The following CNTNAP2 variants were observed in gnomAD, a reference collection of about 807,000 sequenced individuals.
The protein encoded by CNTNAP2 is contactin-associated protein-like 2.
In CNTNAP2, 98 loss-of-function variants were observed where a neutral mutation model predicts 155.2. That is an observed-to-expected ratio of 0.63 (90% CI 0.54 to 0.75). The LOEUF is 0.75. Among genes scored for constraint, CNTNAP2 ranks in the 30% least tolerant of loss-of-function variants. The probability of loss-of-function intolerance (pLI) is 0.00; values close to 1 mark genes in which losing one functional copy is unlikely to be tolerated. For missense variants in CNTNAP2, 1,727 were observed against 1,688.1 expected (o/e 1.02, Z -0.40); for synonymous variants, 651 against 631.2 (o/e 1.03, Z -0.47).
intron 1 of CNTNAP2, among the ~76,000 whole-genome samples, chr7:146,475,730 T>A (rs1796867791): frequency 6.6e-6 from 1 of 152,064 alleles, no homozygotes; most frequent in African/African-American, 2.4e-5. Flanking sequence ...TGAAAAAGAA[T>A]GAGTATATCT....
intron 1 of CNTNAP2, among the ~76,000 whole-genome samples, chr7:146,386,837 C>T (rs942595625): frequency 3.9e-5 from 6 of 152,130 alleles, no homozygotes; most frequent in Non-Finnish European, 8.8e-5. Context: ...TTCATGAAAT[C>T]TGTAATCTAG....
rs189616786 is a variant in CNTNAP2, at chr7:146,650,795, T to C, written c.98-123476T>C. ...ATGGAAAAATAAAATGATATAGTGC[T>C]AATAATCAGATATACAGAATTGTAG... On this transcript the variant is annotated intron_variant, in intron 1 of 23. Coordinates refer to ENST00000361727, the MANE Select transcript of CNTNAP2 (RefSeq NM_014141.6). Among the ~76,000 whole-genome samples the C allele has an allele frequency of 1.5e-4, 23 of 152,274 alleles. No individual in the cohort carries two copies. In the East Asian group the frequency reaches 3.7e-3, roughly 24 times the overall value.
At chr7:147,649,707 T>C (rs1277204591) in intron 13 of CNTNAP2, among the ~76,000 whole-genome samples, 1 of 152,038 alleles carries the variant, frequency 6.6e-6, no homozygotes, top group Non-Finnish European at 1.5e-5. Context: ...TTTTAGTTTA[T>C]TATATTATAA....
intron 5 of CNTNAP2, among the ~76,000 whole-genome samples, chr7:147,116,815 G>T (rs1365231141): frequency 6.6e-6 from 1 of 152,264 alleles, no homozygotes; most frequent in East Asian, 1.9e-4. Context: ...GAATGGATCA[G>T]GGCTCTGCTT....
At chr7:148,246,903 C>A (rs183901770) in intron 20 of CNTNAP2, among the ~76,000 whole-genome samples, 7 of 152,266 alleles carry the variant, frequency 4.6e-5, no homozygotes, top group Non-Finnish European at 7.4e-5. Context: ...CCTTGCTGAG[C>A]GTGGTATCTT....
intron 12 of CNTNAP2, among the ~76,000 whole-genome samples, chr7:147,597,615 T>C (rs1022457041): frequency 2.0e-4 from 30 of 152,282 alleles, no homozygotes; most frequent in African/African-American, 7.0e-4. Context: ...AATGAATGAA[T>C]GAATGAATTT....
chr7:148,086,926 T>G (rs1803743628), intron 15 of CNTNAP2, among the ~76,000 whole-genome samples: 1 of 152,218 alleles, frequency 6.6e-6, no homozygotes, highest in African/African-American at 2.4e-5. Flanking sequence ...CACAACTGAT[T>G]TGAGCAGTGT....
chr7:147,956,871 G>C (rs1039784204), intron 14 of CNTNAP2, among the ~76,000 whole-genome samples: 17 of 152,176 alleles, frequency 1.1e-4, no homozygotes, highest in Admixed American at 1.1e-3. Context: ...GTAAGAGAAT[G>C]TGTGGAAGAT....
chr7:147,964,993 T>A (rs995580352), intron 14 of CNTNAP2, among the ~76,000 whole-genome samples: 2 of 152,142 alleles, frequency 1.3e-5, no homozygotes, highest in Non-Finnish European at 2.9e-5. Flanking sequence ...CTTTCAGACA[T>A]TTTTTCCAAA....
chr7:147,661,809 C>T (rs1484936542), intron 13 of CNTNAP2, among the ~76,000 whole-genome samples: 1 of 152,144 alleles, frequency 6.6e-6, no homozygotes, highest in Non-Finnish European at 1.5e-5. Flanking sequence ...CCTCGGCCTC[C>T]CAAAGTGCTG....
At chr7:147,237,893 C>T (rs1803847004) in intron 8 of CNTNAP2, among the ~76,000 whole-genome samples, 1 of 152,206 alleles carries the variant, frequency 6.6e-6, no homozygotes, top group Admixed American at 6.5e-5. Flanking sequence ...TAAACACTCA[C>T]TTTAAAAATT....
At chr7:146,963,474 G>C (rs1326172569) in intron 3 of CNTNAP2, among the ~76,000 whole-genome samples, 1 of 152,074 alleles carries the variant, frequency 6.6e-6, no homozygotes, top group East Asian at 1.9e-4. Flanking sequence ...TGTGCTTCAA[G>C]TGTCATGGTT....
intron 15 of CNTNAP2, among the ~76,000 whole-genome samples, 187 bp from the exon 16 acceptor site, chr7:148,117,931 C>T (rs1804511334): frequency 6.6e-6 from 1 of 151,356 alleles, no homozygotes; most frequent in Non-Finnish European, 1.5e-5. Context: ...ATTATATAGA[C>T]ACACATATAA....
chr7:146,221,270 T>C (rs1054561118), intron 1 of CNTNAP2, among the ~76,000 whole-genome samples: 3 of 152,192 alleles, frequency 2.0e-5, no homozygotes, highest in South Asian at 4.1e-4. Context: ...CAATTTATAC[T>C]GAAGGCTATA....
chr7:147,492,244 A>G (rs951767724), intron 11 of CNTNAP2, among the ~76,000 whole-genome samples: 2 of 152,164 alleles, frequency 1.3e-5, no homozygotes, highest in African/African-American at 4.8e-5. Flanking sequence ...ACAGTTCACA[A>G]TAGGTTTCAG....
intron 1 of CNTNAP2, among the ~76,000 whole-genome samples, chr7:146,543,103 A>G (rs1797975311): frequency 6.6e-6 from 1 of 151,972 alleles, no homozygotes; most frequent in South Asian, 2.1e-4. Flanking sequence ...AGATAATGCA[A>G]TGTTAATTAC....
chr7:146,382,871 AT>A (rs1337329249), intron 1 of CNTNAP2, among the ~76,000 whole-genome samples: 3 of 152,200 alleles, frequency 2.0e-5, no homozygotes, highest in East Asian at 3.9e-4. Context: ...TTTTTAAAAA[AT>A]ATCAAACCAT....
At chr7:147,558,807 A>G (rs949008565) in intron 11 of CNTNAP2, among the ~76,000 whole-genome samples, 2 of 150,266 alleles carry the variant, frequency 1.3e-5, no homozygotes, top group Non-Finnish European at 3.0e-5. Flanking sequence ...CGGTGGCACA[A>G]TCTTATCTCA....
intron 1 of CNTNAP2, among the ~76,000 whole-genome samples, chr7:146,415,151 A>G (rs1352488467): frequency 6.6e-6 from 1 of 152,124 alleles, no homozygotes; most frequent in East Asian, 1.9e-4. Flanking sequence ...GGAGCAAAGC[A>G]CCACAGTCCA....
Sources: gnomAD v4.1 joint callset for allele counts (sites outside exome capture counted in the v4.1 genomes callset) on GRCh38, gnomAD v4.1.1 for gene constraint, MANE v1.5 for transcripts, NCBI Gene and HGNC (gene_info 2026-07-23, HGNC 2026-07-21) for gene names.